Variants in GJB7 observed in about 807,000 individuals in gnomAD.
GJB7 encodes the protein gap junction protein beta 7.
For missense variants in GJB7, 253 were observed against 256.8 expected (o/e 0.99, Z 0.10); for synonymous variants, 87 against 95.2 (o/e 0.91, Z 0.50).
intron 2 of GJB7, among the ~76,000 whole-genome samples, chr6:87,306,238 GC>G (rs899392329): frequency 1.3e-5 from 2 of 152,110 alleles, no homozygotes; most frequent in African/African-American, 4.8e-5. Flanking sequence ...GAGTGAATAG[GC>G]AACCTACAAA....
At chr6:87,311,013 A>G (rs941910820) in intron 2 of GJB7, among the ~76,000 whole-genome samples, 3 of 152,228 alleles carry the variant, frequency 2.0e-5, no homozygotes, top group African/African-American at 7.2e-5. Flanking sequence ...TTGTAAGTCT[A>G]TCTTTATTTC....
chr6:87,284,030 C>A lies in GJB7; in HGVS notation c.*211G>T. ...ATTGACAATGTAAAAAAATTCCTCC[C>A]AAATGATACTAAGGCTGATGTGCTT... On this transcript the variant is annotated 3_prime_UTR_variant, in exon 3 of 3. Coordinates refer to ENST00000525899, the MANE Select transcript of GJB7 (RefSeq NM_198568.3). 1 of 534,686 alleles carries A rather than the reference C, an allele frequency of 1.9e-6. No individual in the cohort carries two copies. The highest frequency in any genetic ancestry group is 3.3e-6 in the Non-Finnish European group (1 of 299,728). 33.1% of individuals were successfully genotyped at this position (534,686 alleles called of 1,614,324 possible).
intron 2 of GJB7, among the ~76,000 whole-genome samples, chr6:87,287,508 C>T (rs904820030): frequency 2.6e-5 from 4 of 152,192 alleles, no homozygotes; most frequent in Non-Finnish European, 5.9e-5. Flanking sequence ...ACACAATGCC[C>T]TATTCAGCAG....
At position 87,284,036 on chromosome 6, in the gene GJB7, A is replaced by G. The variant is rs1406602988; in HGVS notation, c.*205T>C. 3.6e-6 allele frequency: 2 copies of G among 557,954 alleles called. No homozygotes were observed. Among genetic ancestry groups the G allele is most frequent in the African/African-American group, 3.8e-5 (2 of 53,278 alleles). The allele number at this position is 557,954 out of a possible 1,614,324, so 34.6% of individuals were successfully genotyped here. A position where few individuals can be genotyped will look rare whatever the true frequency, so the allele number is the denominator to read the frequency against. ...AATGTAAAAAAATTCCTCCCAAATG[A>G]TACTAAGGCTGATGTGCTTTGTCTT... is the stretch of plus-strand genomic sequence containing the variant. On this transcript the variant is annotated 3_prime_UTR_variant, in exon 3 of 3. Coordinates refer to ENST00000525899, the MANE Select transcript of GJB7 (RefSeq NM_198568.3).
intron 2 of GJB7, among the ~76,000 whole-genome samples, chr6:87,311,048 A>G (rs1655274767): frequency 1.3e-5 from 2 of 152,190 alleles, no homozygotes; most frequent in Non-Finnish European, 2.9e-5. Flanking sequence ...AAAAATAAGC[A>G]TATGAAAAGA....
intron 1 of GJB7, among the ~76,000 whole-genome samples, chr6:87,326,651 T>C (rs557450978): frequency 7.1e-6 from 1 of 140,684 alleles, no homozygotes; most frequent in Non-Finnish European, 1.5e-5. Flanking sequence ...ATAATTTCTG[T>C]TCTTTTACAT....
intron 2 of GJB7, chr6:87,298,850 A>G (rs1459269722): frequency 2.6e-6 from 1 of 378,154 alleles, no homozygotes; most frequent in African/African-American, 2.1e-5. Context: ...GATTTTGCCA[A>G]AGATGTAAAA....
At chr6:87,302,615 T>G (rs1055504190) in intron 2 of GJB7, among the ~76,000 whole-genome samples, 3 of 152,214 alleles carry the variant, frequency 2.0e-5, no homozygotes, top group African/African-American at 4.8e-5. Flanking sequence ...CAGGATATTA[T>G]GCAGGAGAAC....
intron 2 of GJB7, among the ~76,000 whole-genome samples, chr6:87,305,910 A>C (rs1226077622): frequency 6.6e-6 from 1 of 152,210 alleles, no homozygotes; most frequent in Non-Finnish European, 1.5e-5. Flanking sequence ...AAATCTGAGA[A>C]AAACAAGCAA....
chr6:87,295,164 A>G lies in GJB7; in HGVS notation c.-27-10225T>C, dbSNP rs545819347. On this transcript the variant is annotated intron_variant, in intron 2 of 2. Transcript: ENST00000525899. The stretch of plus-strand genomic sequence containing the variant: ...AGAGAAGTATGCATAGATTTTGGGG[A>G]AAAAAACAACTACCTTTTGTACTGG... Among the ~76,000 whole-genome samples, 18 of 152,078 alleles carry G rather than the reference A, an allele frequency of 1.2e-4. No homozygotes were observed. In the South Asian group the frequency reaches 3.7e-3, roughly 32 times the overall value.
At chr6:87,285,808 C>T (rs543055925) in intron 2 of GJB7, among the ~76,000 whole-genome samples, 1 of 152,266 alleles carries the variant, frequency 6.6e-6, no homozygotes, top group Non-Finnish European at 1.5e-5. Flanking sequence ...ATTTCTACTT[C>T]CTCAACTGTT....
Position 87,283,859 on chromosome 6 carries a change from A to C in GJB7, c.*382T>G, listed in dbSNP as rs1776013000. 6.4e-6 allele frequency: 1 copy of C among 156,064 alleles called. No homozygotes were observed. The highest frequency in any genetic ancestry group is 6.5e-5 in the Admixed American group (1 of 15,472). The allele number at this position is 156,064 out of a possible 1,614,324, so 9.7% of individuals were successfully genotyped here. On this transcript the variant is annotated 3_prime_UTR_variant, in exon 3 of 3. Transcript: ENST00000525899. ...TTCTTTTTTTTTTTTTTTCCCTGAA[A>C]AATCTAAGCTCTTAAAAGAATCCTG...
chr6:87,293,585 C>T (rs1051899856), intron 2 of GJB7, among the ~76,000 whole-genome samples: 1 of 152,072 alleles, frequency 6.6e-6, no homozygotes, highest in African/African-American at 2.4e-5. Context: ...TTTCAGTTTC[C>T]ACTCCTTTGT....
intron 2 of GJB7, among the ~76,000 whole-genome samples, chr6:87,306,370 G>A (rs913106158): frequency 2.0e-5 from 3 of 152,180 alleles, no homozygotes; most frequent in Admixed American, 1.3e-4. Flanking sequence ...CGAAGGACAT[G>A]AACAGACACT....
intron 2 of GJB7, among the ~76,000 whole-genome samples, chr6:87,301,014 G>C (rs929444600): frequency 6.6e-6 from 1 of 152,194 alleles, no homozygotes; most frequent in Non-Finnish European, 1.5e-5. Flanking sequence ...TTTCATCAGA[G>C]GATGAAAATA....
At chr6:87,299,369 T>C (rs916313712) in intron 2 of GJB7, 2 of 491,910 alleles carry the variant, frequency 4.1e-6, no homozygotes, top group African/African-American at 3.9e-5. Context: ...GGAAAAACAC[T>C]GAATGATGAA....
intron 2 of GJB7, among the ~76,000 whole-genome samples, chr6:87,290,341 A>C (rs145540482): frequency 1.1e-3 from 175 of 152,258 alleles, no homozygotes; most frequent in African/African-American, 4.1e-3. Context: ...CTAACCCCTG[A>C]AGAAAAGCAT....
At chr6:87,306,273 A>G (rs1419361796) in intron 2 of GJB7, among the ~76,000 whole-genome samples, 1 of 152,174 alleles carries the variant, frequency 6.6e-6, no homozygotes, top group Admixed American at 6.5e-5. Context: ...TCCACAACCT[A>G]CTCATCTGAC....
intron 2 of GJB7, among the ~76,000 whole-genome samples, chr6:87,303,876 C>G (rs954458555): frequency 6.6e-6 from 1 of 152,198 alleles, no homozygotes; most frequent in Non-Finnish European, 1.5e-5. Context: ...GAAACTCACT[C>G]AAAACCACAC....
Sources: gnomAD v4.1 joint callset for allele counts (sites outside exome capture counted in the v4.1 genomes callset) on GRCh38, gnomAD v4.1.1 for gene constraint, MANE v1.5 for transcripts, NCBI Gene and HGNC (gene_info 2026-07-23, HGNC 2026-07-21) for gene names.